SLC39A11: variants seen among roughly 807,000 people sequenced by gnomAD.
The protein encoded by SLC39A11 is solute carrier family 39 member 11.
SLC39A11 carries 33 observed loss-of-function variants against 36.1 expected under a neutral mutation model. The ratio of observed to expected loss-of-function variants is 0.91; its 90% confidence interval spans 0.69 to 1.22. The LOEUF (loss-of-function observed/expected upper bound fraction) is 1.22. Among genes scored for constraint, SLC39A11 ranks in the 50% most tolerant of loss-of-function variants. The pLI is 0.00. For synonymous variants in SLC39A11, 166 were observed against 170.3 expected (o/e 0.97, Z 0.20); for missense variants, 432 against 430.3 (o/e 1.00, Z -0.03).
intron 3 of SLC39A11, among the ~76,000 whole-genome samples, chr17:73,040,265 A>G (rs1380227143): frequency 6.6e-6 from 1 of 152,196 alleles, no homozygotes; most frequent in Non-Finnish European, 1.5e-5. Context: ...GAAACAAGCA[A>G]TTTTGTAAGT....
chr17:72,744,100 A>G lies in SLC39A11; in HGVS notation c.602-7381T>C, dbSNP rs1353848261. Among the ~76,000 whole-genome samples, 7 of 152,302 alleles carry G rather than the reference A, an allele frequency of 4.6e-5. No homozygotes were observed. The East Asian group carries it at 1.4e-3, about 29-fold the overall frequency. ...CCTCCTCTGCGGAAAACAGTAACAA[A>G]AAGGGCATGGGCTTTGGTTGAGATA... On this transcript the variant is annotated intron_variant, in intron 6 of 9. Coordinates refer to ENST00000255559, the MANE Select transcript of SLC39A11 (RefSeq NM_139177.4).
intron 4 of SLC39A11, among the ~76,000 whole-genome samples, chr17:72,959,027 C>T (rs1250744998): frequency 6.6e-6 from 1 of 151,806 alleles, no homozygotes. Flanking sequence ...TAGATGTTTG[C>T]ATAGATGTGG....
intron 4 of SLC39A11, among the ~76,000 whole-genome samples, chr17:73,028,765 C>T (rs1049878873): frequency 6.6e-6 from 1 of 150,876 alleles, no homozygotes; most frequent in Non-Finnish European, 1.5e-5. Flanking sequence ...GGGATCTCCT[C>T]CATATTCAAA....
intron 5 of SLC39A11, among the ~76,000 whole-genome samples, chr17:72,936,156 T>C (rs2084740820): frequency 6.6e-6 from 1 of 151,930 alleles, no homozygotes; most frequent in African/African-American, 2.4e-5. Flanking sequence ...CGAGATCACG[T>C]CACTGCATTC....
At chr17:72,957,397 A>G (rs932233478) in intron 4 of SLC39A11, among the ~76,000 whole-genome samples, 2 of 152,234 alleles carry the variant, frequency 1.3e-5, no homozygotes, top group African/African-American at 4.8e-5. Context: ...GCAGCTCTCC[A>G]TGGATCCAGA....
intron 7 of SLC39A11, among the ~76,000 whole-genome samples, chr17:72,679,506 T>C (rs990078481): frequency 2.0e-5 from 3 of 152,218 alleles, no homozygotes; most frequent in Non-Finnish European, 4.4e-5. Context: ...GAACCTGTTC[T>C]GCAGGAGGAA....
intron 7 of SLC39A11, among the ~76,000 whole-genome samples, chr17:72,703,256 C>A (rs1163910906): frequency 6.6e-6 from 1 of 152,112 alleles, no homozygotes; most frequent in South Asian, 2.1e-4. Context: ...GCTTTAGGAG[C>A]GAGAAAGACA....
intron 5 of SLC39A11, among the ~76,000 whole-genome samples, chr17:72,916,160 C>T (rs2083319067): frequency 6.6e-6 from 1 of 152,222 alleles, no homozygotes; most frequent in Admixed American, 6.5e-5. Context: ...CTCCAAGACA[C>T]GACATTGTGA....
At position 72,919,427 on chromosome 17, in the gene SLC39A11, C is replaced by T. The variant is rs2083512150; in HGVS notation, c.430+28325G>A. Reference sequence around the variant, plus strand: ...GGACCACAGCAACAACGATGAATAGCGTAGAGGGGCTTTTGATGATACCTA... The same window carrying T: ...GGACCACAGCAACAACGATGAATAGTGTAGAGGGGCTTTTGATGATACCTA... On this transcript the variant is annotated intron_variant, in intron 5 of 9. Coordinates refer to ENST00000255559, the MANE Select transcript of SLC39A11 (RefSeq NM_139177.4). Among the ~76,000 whole-genome samples the T allele has an allele frequency of 3.3e-5, 5 of 151,882 alleles. No homozygotes were observed. The South Asian group carries it at 1.0e-3, about 32-fold the overall frequency.
At chr17:72,977,600 C>A (rs2087955231) in intron 4 of SLC39A11, among the ~76,000 whole-genome samples, 1 of 152,002 alleles carries the variant, frequency 6.6e-6, no homozygotes, top group Non-Finnish European at 1.5e-5. Context: ...TTAGATGAAC[C>A]ACCTGAAAAA....
intron 7 of SLC39A11, among the ~76,000 whole-genome samples, chr17:72,733,550 C>T (rs1262782594): frequency 6.6e-6 from 1 of 152,102 alleles, no homozygotes. Flanking sequence ...AGACTCCGGG[C>T]AGGCAGGGGC....
intron 6 of SLC39A11, among the ~76,000 whole-genome samples, chr17:72,755,305 G>C (rs10512589): frequency 0.38 from 57,966 of 152,244 alleles, 12,324 homozygotes; most frequent in Non-Finnish European, 0.49. Context: ...GAGTGAATAA[G>C]GGCAACGAAA....
chr17:72,986,558 T>A (rs1335855949), intron 4 of SLC39A11, among the ~76,000 whole-genome samples: 3 of 152,194 alleles, frequency 2.0e-5, no homozygotes, highest in African/African-American at 7.2e-5. Context: ...CACCCCCAGC[T>A]AGCCCGAGGG....
At chr17:72,794,557 C>T (rs1409299253) in intron 6 of SLC39A11, among the ~76,000 whole-genome samples, 1 of 151,828 alleles carries the variant, frequency 6.6e-6, no homozygotes, top group Non-Finnish European at 1.5e-5. Context: ...CCAGCTGTGT[C>T]CAAGCCACTC....
intron 5 of SLC39A11, among the ~76,000 whole-genome samples, chr17:72,916,595 C>G (rs73345528): frequency 2.0e-5 from 3 of 152,190 alleles, no homozygotes; most frequent in South Asian, 2.1e-4. Flanking sequence ...TTCACAAACC[C>G]TCTCTTCCCC....
intron 5 of SLC39A11, among the ~76,000 whole-genome samples, chr17:72,871,696 GTCTCT>G (rs1175703613): frequency 6.6e-6 from 1 of 152,174 alleles, no homozygotes; most frequent in East Asian, 1.9e-4. Context: ...TGTCCTGTGT[GTCTCT>G]TCTACCTGGC....
At chr17:72,903,064 G>C (rs967471126) in intron 5 of SLC39A11, among the ~76,000 whole-genome samples, 13 of 152,102 alleles carry the variant, frequency 8.5e-5, no homozygotes, top group African/African-American at 3.1e-4. Flanking sequence ...GTCAGGAGTT[G>C]AGACCAGCCT....
chr17:72,849,482 A>T (rs1421333628), intron 6 of SLC39A11, 152 bp downstream of exon 6: 7 of 699,848 alleles, frequency 1.0e-5, no homozygotes, highest in South Asian at 3.7e-5. Context: ...ATCAAAAAAT[A>T]AAGCCAAGAA....
At chr17:72,835,374 G>A (rs2078481700) in intron 6 of SLC39A11, among the ~76,000 whole-genome samples, 1 of 152,234 alleles carries the variant, frequency 6.6e-6, no homozygotes, top group South Asian at 2.1e-4. Flanking sequence ...GAAGGCAAAA[G>A]TAGGTGGGTG....
Sources: gnomAD v4.1 joint callset for allele counts (sites outside exome capture counted in the v4.1 genomes callset) on GRCh38, gnomAD v4.1.1 for gene constraint, MANE v1.5 for transcripts, NCBI Gene and HGNC (gene_info 2026-07-23, HGNC 2026-07-21) for gene names.